COL4A6: variants seen among roughly 807,000 people sequenced by gnomAD.
COL4A6 encodes collagen alpha-6(IV) chain.
Under a neutral mutation model 126.7 loss-of-function variants are expected in COL4A6, and 59 were observed. The ratio of observed to expected loss-of-function variants is 0.47; its 90% CI spans 0.38 to 0.58. The LOEUF is 0.58. Among genes scored for constraint, COL4A6 ranks in the 20% least tolerant of loss-of-function variants. The probability of loss-of-function intolerance (pLI) is 0.00; values close to 1 mark genes in which losing one functional copy is unlikely to be tolerated. For missense variants in COL4A6, 1,285 were observed against 1,337.3 expected, an observed-to-expected ratio of 0.96 and a Z score of 0.61; for synonymous variants, 547 against 496.6, an observed-to-expected ratio of 1.10 and a Z score of -1.35.
chrX:108,365,107 C>T (rs2040168928), intron 2 of COL4A6, among the ~76,000 whole-genome samples: 1 of 111,784 alleles, frequency 8.9e-6, no homozygotes, highest in South Asian at 3.8e-4. Context: ...TACTCAACTT[C>T]CAAATTCAAC....
chrX:108,335,052 T>G (rs1289226369), intron 2 of COL4A6, among the ~76,000 whole-genome samples: 2 of 111,609 alleles, frequency 1.8e-5, no homozygotes, highest in African/African-American at 6.5e-5. Flanking sequence ...GATTACAGAG[T>G]CTTGAACAGC....
intron 2 of COL4A6, among the ~76,000 whole-genome samples, chrX:108,382,962 AAATAATAATAAT>A (rs4035941): frequency 2.3e-4 from 20 of 88,304 alleles, no homozygotes; most frequent in Admixed American, 7.8e-4. Flanking sequence ...CCCCCGCCAA[AAATAATAATAAT>A]AATAATAATA....
chrX:108,433,210 AC>A (rs2064204398), intron 2 of COL4A6, among the ~76,000 whole-genome samples: 1 of 111,914 alleles, frequency 8.9e-6, no homozygotes, highest in Admixed American at 9.4e-5. Flanking sequence ...AAAAATAGAA[AC>A]CCTAGGAAAG....
intron 2 of COL4A6, among the ~76,000 whole-genome samples, chrX:108,343,112 C>T (rs1042483527): frequency 2.3e-5 from 2 of 88,389 alleles, no homozygotes; most frequent in Admixed American, 1.3e-4. Context: ...AGGAAAAGAG[C>T]GCTATGAAAA....
At chrX:108,401,583 G>T (rs2041088956) in intron 2 of COL4A6, among the ~76,000 whole-genome samples, 1 of 110,685 alleles carries the variant, frequency 9.0e-6, no homozygotes, top group Non-Finnish European at 1.9e-5. Context: ...AAAAATTGTG[G>T]AATTATGGGT....
At chrX:108,263,281 C>A (rs2037214881) in intron 3 of COL4A6, among the ~76,000 whole-genome samples, 2 of 111,745 alleles carry the variant, frequency 1.8e-5, no homozygotes, top group South Asian at 3.7e-4. Flanking sequence ...TTCGAATCAT[C>A]CAGATTCCAC....
chrX:108,290,900 G>A (rs971437246), intron 3 of COL4A6, among the ~76,000 whole-genome samples: 2 of 112,434 alleles, frequency 1.8e-5, no homozygotes, highest in African/African-American at 3.2e-5. Context: ...TTTTTAATCT[G>A]AAAAAGAAAG....
intron 2 of COL4A6, among the ~76,000 whole-genome samples, chrX:108,437,427 C>T (rs2064288086): frequency 9.0e-6 from 1 of 111,489 alleles, no homozygotes; most frequent in African/African-American, 3.3e-5. Context: ...TTGAACATCA[C>T]CTAGTGGTAT....
intron 3 of COL4A6, among the ~76,000 whole-genome samples, chrX:108,225,258 C>T (rs1007891550): frequency 1.8e-5 from 2 of 112,256 alleles, no homozygotes; most frequent in African/African-American, 6.5e-5. Flanking sequence ...TAGGCTGCAG[C>T]AGCCAGATGC....
Position 108,179,219 on chromosome X carries a change from T to C in COL4A6, c.2351A>G (p.Lys784Arg). The C allele has an allele frequency of 8.3e-7, 1 of 1,208,988 alleles. No homozygotes were observed. Among genetic ancestry groups the C allele is most frequent in the African/African-American group, 1.7e-5 (1 of 57,821 alleles). The change falls in exon 26 of 45, where the codon AAG (lysine) becomes AGG (arginine). Residue 784 changes from lysine (K) to arginine (R), a missense_variant and splice_region_variant. Transcript: ENST00000334504. ...FLGDSGLPGL[K>R]GVHGKPGLLG... The stretch of plus-strand genomic sequence containing the variant: ...ATAATTGGGGCAAAAAGATTCACCC[T>C]TGAGTCCTGGAAGGCCAGAGTCTCC...
At chrX:108,383,643 TA>T in intron 2 of COL4A6, 1 of 542,444 alleles carries the variant, frequency 1.8e-6, no homozygotes, top group Non-Finnish European at 3.2e-6. Flanking sequence ...CTGACCAATT[TA>T]AGGGGAAAAC....
At chrX:108,319,404 G>A (rs2038967371) in intron 2 of COL4A6, among the ~76,000 whole-genome samples, 1 of 111,511 alleles carries the variant, frequency 9.0e-6, no homozygotes, top group African/African-American at 3.3e-5. Context: ...AGGGAGTGGA[G>A]GTAGATAAAG....
intron 2 of COL4A6, among the ~76,000 whole-genome samples, chrX:108,314,016 T>A (rs999230916): frequency 8.9e-6 from 1 of 112,182 alleles, no homozygotes; most frequent in East Asian, 2.8e-4. Flanking sequence ...AAGAAAACCA[T>A]GAAAAACTTC....
At chrX:108,298,974 G>A (rs775848188) in intron 3 of COL4A6, among the ~76,000 whole-genome samples, 32 of 111,117 alleles carry the variant, frequency 2.9e-4, no homozygotes, top group South Asian at 7.8e-4. Flanking sequence ...TTCTGATAAT[G>A]GATCGCATCA....
chrX:108,373,797 C>T (rs1310902550), intron 2 of COL4A6, among the ~76,000 whole-genome samples: 1 of 112,114 alleles, frequency 8.9e-6, no homozygotes, highest in African/African-American at 3.2e-5. Flanking sequence ...ATGTTTGTGG[C>T]TTACAGATTT....
intron 3 of COL4A6, among the ~76,000 whole-genome samples, chrX:108,280,879 A>G (rs1325255881): frequency 4.7e-4 from 53 of 112,031 alleles, no homozygotes; most frequent in East Asian, 3.4e-3. Context: ...TATAAACAGA[A>G]CCAAAGACAA....
chrX:108,311,231 A>G (rs1391112364), intron 2 of COL4A6, among the ~76,000 whole-genome samples: 1 of 112,083 alleles, frequency 8.9e-6, no homozygotes, highest in Non-Finnish European at 1.9e-5. Flanking sequence ...TTCAAGTGCT[A>G]GATATGTAGT....
In COL4A6 at chrX:108,178,756, C is replaced by T; in HGVS notation, c.2443G>A (p.Gly815Arg). The T allele has an allele frequency of 2.5e-6, 3 of 1,211,776 alleles. No individual in the cohort carries two copies. The highest frequency in any genetic ancestry group is 3.4e-6 in the Non-Finnish European group (3 of 895,480). Residue 815 changes from glycine to arginine, a missense_variant, in exon 27 of 45, where the codon GGA becomes AGA. Gly to Arg is a moderately radical substitution (Grantham distance 125). Transcript: ENST00000334504. ...TTGATGCCATATGGACCACTAGATC[C>T]TGGGGTGCCTGGCTGTCCCACCTGT... Reference protein sequence around the residue: ...PGQVGQPGTPGSSGPYGIKGK... With the variant: ...PGQVGQPGTPRSSGPYGIKGK...
chrX:108,397,283 A>G (rs770590794), intron 2 of COL4A6, among the ~76,000 whole-genome samples: 1 of 111,891 alleles, frequency 8.9e-6, no homozygotes, highest in Admixed American at 9.5e-5. Context: ...TTCTACATAG[A>G]AATTATGAAT....
Sources: gnomAD v4.1 joint callset for allele counts (sites outside exome capture counted in the v4.1 genomes callset) on GRCh38, gnomAD v4.1.1 for gene constraint, MANE v1.5 for transcripts, NCBI Gene and HGNC (gene_info 2026-07-23, HGNC 2026-07-21) for gene names.